Variants in CIT observed in about 807,000 individuals in gnomAD.
CIT encodes citron rho-interacting serine/threonine kinase, also known as citron Rho-interacting kinase.
A neutral mutation model predicts 272.7 loss-of-function variants in CIT; 79 were observed. That is an observed-to-expected ratio of 0.29 (90% CI 0.24 to 0.35). CIT has a LOEUF of 0.35. CIT is among the 10% of genes least tolerant of loss of function. The pLI, the probability that CIT is intolerant of heterozygous loss-of-function variation, is 1.00. For missense variants in CIT, 1,909 were observed against 2,618.3 expected (o/e 0.73, Z 5.91); for synonymous variants, 948 against 995.6 (o/e 0.95, Z 0.90).
chr12:119,734,659 C>T (rs1048565491), intron 25 of CIT, among the ~76,000 whole-genome samples: 1 of 151,912 alleles, frequency 6.6e-6, no homozygotes, highest in African/African-American at 2.4e-5. Flanking sequence ...TTTTTCGAGA[C>T]AGGGTCCAGC....
chr12:119,712,080 G>A lies in CIT; in HGVS notation c.4854+98C>T, dbSNP rs1957191839. 34 of 1,202,080 alleles carry A rather than the reference G, an allele frequency of 2.8e-5. No homozygotes were observed. Among genetic ancestry groups the A allele is most frequent in the Non-Finnish European group, 3.6e-5 (31 of 851,682 alleles). 74.5% of individuals were successfully genotyped at this position (1,202,080 alleles called of 1,614,324 possible). On this transcript the variant is annotated intron_variant, in intron 37 of 47. Transcript: ENST00000392521. This position sits in a 1 kb window ranked among gnomAD's most constrained non-coding sequence, Gnocchi z 5.2. ...TCAGCCCTCAGAGAGAGAGCCTGAG[G>A]GGAATCAAAATGGCCAATGGGATTC...
chr12:119,704,843 T>C (rs1956790923), intron 40 of CIT, among the ~76,000 whole-genome samples: 1 of 152,088 alleles, frequency 6.6e-6, no homozygotes, highest in African/African-American at 2.4e-5. Context: ...AAACTTCCCT[T>C]GTGAGGAGGG....
At chr12:119,849,717 G>T (rs1334626814) in intron 5 of CIT, among the ~76,000 whole-genome samples, 1 of 139,574 alleles carries the variant, frequency 7.2e-6, no homozygotes, top group Admixed American at 7.6e-5. Flanking sequence ...ATAGAGTCTT[G>T]CTCTGTCACC....
At position 119,712,485 on chromosome 12, in the gene CIT, G is replaced by A; in HGVS notation, c.4684+106C>T. 1 of 1,386,586 alleles carries A rather than the reference G, an allele frequency of 7.2e-7. No individual in the cohort carries two copies. Among genetic ancestry groups the A allele is most frequent in the South Asian group, 1.3e-5 (1 of 78,266 alleles). 85.9% of individuals were successfully genotyped at this position (1,386,586 alleles called of 1,614,324 possible). A position where few individuals can be genotyped will look rare whatever the true frequency, so the allele number is the denominator to read the frequency against. ...GCCAAGGCGGGGAGCGGAGGAAGAT[G>A]GGCCTCCTTTGCAGAGCCAATCTTC... On this transcript the variant is annotated intron_variant, in intron 36 of 47. Transcript: ENST00000392521. This position sits in a 1 kb window ranked among gnomAD's most constrained non-coding sequence, Gnocchi z 5.2.
intron 4 of CIT, among the ~76,000 whole-genome samples, chr12:119,850,589 T>C (rs1970159796): frequency 6.6e-6 from 1 of 152,262 alleles, no homozygotes; most frequent in East Asian, 1.9e-4. Context: ...TCACCTACTT[T>C]GGTCACAATT....
At position 119,804,365 on chromosome 12, in the gene CIT, C is replaced by G; in HGVS notation, c.1112-976G>C. ...AGGCGTCCGTGGCGGGCCAGCCAGG[C>G]GAGTTAGAGCCGAGCATCACATCCC... On this transcript the variant is annotated intron_variant, in intron 9 of 47. Transcript: ENST00000392521. This position sits in a 1 kb window ranked among gnomAD's most constrained non-coding sequence, Gnocchi z 5.3. 1.0e-6 allele frequency: 1 copy of G among 985,536 alleles called. No individual in the cohort carries two copies. Among genetic ancestry groups the G allele is most frequent in the Non-Finnish European group, 1.2e-6 (1 of 830,014 alleles). 61.0% of individuals were successfully genotyped at this position (985,536 alleles called of 1,614,324 possible). A position where few individuals can be genotyped will look rare whatever the true frequency, so the allele number is the denominator to read the frequency against.
intron 23 of CIT, 142 bp downstream of exon 23, chr12:119,751,908 A>G: frequency 1.3e-6 from 1 of 748,536 alleles, no homozygotes; most frequent in Non-Finnish European, 2.1e-6. Context: ...ATGTAAGCCA[A>G]TTTCCTGGCC....
At chr12:119,823,021 T>C (rs963662512) in intron 8 of CIT, 48 bp from the exon 9 acceptor site, 1 of 1,538,378 alleles carries the variant, frequency 6.5e-7, no homozygotes, top group Admixed American at 2.1e-5. Context: ...GGGATTCCGT[T>C]TCTCATGCTG....
chr12:119,794,526 G>T (rs1443047728), intron 10 of CIT, among the ~76,000 whole-genome samples: 7 of 152,208 alleles, frequency 4.6e-5, no homozygotes, highest in African/African-American at 1.7e-4. Context: ...TCCAGGGTGG[G>T]TGGGAGCATG....
chr12:119,782,491 G>T (rs1298112192), intron 13 of CIT, 27 bp downstream of exon 13: 1 of 1,611,662 alleles, frequency 6.2e-7, no homozygotes, highest in East Asian at 2.2e-5. Flanking sequence ...CCGAGATGCT[G>T]CTGTGCTCCC....
intron 16 of CIT, 105 bp from the exon 17 acceptor site, chr12:119,773,015 A>G: frequency 4.6e-6 from 1 of 216,622 alleles, no homozygotes. Context: ...AGTATAATCT[A>G]AAAAAAAAAA....
At chr12:119,707,074 T>A (rs766084628) in intron 40 of CIT, among the ~76,000 whole-genome samples, 1 of 152,254 alleles carries the variant, frequency 6.6e-6, no homozygotes, top group Non-Finnish European at 1.5e-5. Flanking sequence ...ATGTCATAAA[T>A]TCGAATTTTT....
In CIT at chr12:119,688,173, T is replaced by G; in HGVS notation, c.*59A>C. ...TTGGGTCCCCATCAGCAGAGTTCCA[T>G]AGTGTGTTTGGTGTTTTCCTGCAGA... is the stretch of plus-strand genomic sequence containing the variant. On this transcript the variant is annotated 3_prime_UTR_variant, in exon 48 of 48. Transcript: ENST00000392521. 1.9e-6 allele frequency: 3 copies of G among 1,564,330 alleles called. No individual in the cohort carries two copies. Among genetic ancestry groups the G allele is most frequent in the Non-Finnish European group, 2.6e-6 (3 of 1,134,696 alleles).
In CIT at chr12:119,735,274, T is replaced by C; in HGVS notation, c.3042A>G (p.Lys1014=). 6.2e-7 allele frequency: 1 copy of C among 1,614,186 alleles called. No individual in the cohort carries two copies. Among genetic ancestry groups the C allele is most frequent in the Non-Finnish European group, 8.5e-7 (1 of 1,180,022 alleles). Residue 1014 remains lysine (K), a synonymous_variant, in exon 25 of 48, where the codon AAA becomes AAG. Transcript: ENST00000392521. Reference sequence around the variant, plus strand: ...TGGCGCCAGAAGCCTCATCGAGTTGTTTGGACAAGTAGAAGTTTTGGTTGT... The same window carrying C: ...TGGCGCCAGAAGCCTCATCGAGTTGCTTGGACAAGTAGAAGTTTTGGTTGT... The part of the protein sequence containing the change: ...ELNNQNFYLS[K]QLDEASGAND...
At chr12:119,785,342 G>T (rs1488506601) in intron 10 of CIT, among the ~76,000 whole-genome samples, 9 of 152,138 alleles carry the variant, frequency 5.9e-5, no homozygotes, top group Non-Finnish European at 4.4e-5. Context: ...TGGGTACAAT[G>T]AAATCACAAG....
intron 3 of CIT, among the ~76,000 whole-genome samples, chr12:119,862,045 G>C (rs1000551442): frequency 2.0e-5 from 3 of 152,128 alleles, no homozygotes; most frequent in Non-Finnish European, 2.9e-5. Flanking sequence ...CTGTCACCCT[G>C]GCTGGAGTGC....
intron 7 of CIT, among the ~76,000 whole-genome samples, chr12:119,829,695 C>G (rs1968474141): frequency 6.6e-6 from 1 of 152,186 alleles, no homozygotes; most frequent in Non-Finnish European, 1.5e-5. Context: ...CAGCTGTTCA[C>G]CATTCTTTGA....
At chr12:119,688,573 G>A (rs1012724650) in intron 47 of CIT, among the ~76,000 whole-genome samples, 1 of 152,208 alleles carries the variant, frequency 6.6e-6, no homozygotes, top group Non-Finnish European at 1.5e-5. Context: ...TTACCAGCAG[G>A]TGAACTGCAG....
chr12:119,822,631 CACAA>C lies in CIT; in HGVS notation c.1111+185_1111+188del, dbSNP rs1030088719. On this transcript the variant is annotated intron_variant, in intron 9 of 47. Coordinates refer to ENST00000392521, the MANE Select transcript of CIT (RefSeq NM_001206999.2). ...GAGTTTGATAAATGACCCAGTTCTA[CACAA>C]ACAATTTTAAGGCAGAATTATTACT... 5.3e-4 allele frequency among the ~76,000 whole-genome samples: 81 copies of C among 152,328 alleles called. 1 individual carries two copies. The highest frequency in any genetic ancestry group is 1.8e-3 in the African/African-American group (74 of 41,576).
Sources: allele counts gnomAD v4.1 joint callset (sites outside exome capture counted in the v4.1 genomes callset), GRCh38; gene constraint gnomAD v4.1.1; non-coding constraint Gnocchi (gnomAD v3.1); transcripts MANE v1.5; gene names NCBI Gene and HGNC (gene_info 2026-07-23, HGNC 2026-07-21).